The following SERPING1 variants were observed in gnomAD, a reference collection of about 807,000 sequenced individuals.
SERPING1 encodes the protein plasma protease C1 inhibitor.
A neutral mutation model predicts 34.1 loss-of-function variants in SERPING1; 5 were observed. The ratio of observed to expected loss-of-function variants is 0.15; its 90% CI spans 0.08 to 0.31. SERPING1 has a LOEUF of 0.31. SERPING1 is among the 10% of genes least tolerant of loss of function. The pLI is 1.00. For synonymous variants in SERPING1, 225 were observed against 242.4 expected (o/e 0.93, Z 0.67); for missense variants, 505 against 609.5 (o/e 0.83, Z 1.81).
At chr11:57,605,936 T>C (rs374948498) in intron 4 of SERPING1, 74 bp from the exon 5 acceptor site, 8 of 1,325,684 alleles carry the variant, frequency 6.0e-6, no homozygotes, top group African/African-American at 2.9e-5. Flanking sequence ...GAAAGCATGC[T>C]CACTCTCAAA....
chr11:57,614,819 A>G lies in SERPING1; in HGVS notation c.*238A>G. On this transcript the variant is annotated 3_prime_UTR_variant, in exon 8 of 8. Coordinates refer to ENST00000278407, the MANE Select transcript of SERPING1 (RefSeq NM_000062.3). ...GCTTTCTCTAGTTCAAGTTCACCAG[A>G]CTCTATAAATAAAACCTGACAGACC... The G allele has an allele frequency of 3.8e-6, 2 of 529,444 alleles. No homozygotes were observed. Among genetic ancestry groups the G allele is most frequent in the Non-Finnish European group, 6.7e-6 (2 of 298,806 alleles). The allele number at this position is 529,444 out of a possible 1,614,324, so 32.8% of individuals were successfully genotyped here.
At chr11:57,607,848 C>T (rs1341212288) in intron 6 of SERPING1, among the ~76,000 whole-genome samples, 5 of 152,142 alleles carry the variant, frequency 3.3e-5, no homozygotes, top group African/African-American at 4.8e-5. Context: ...TTAGTAGAGA[C>T]GGGGTTTCAC....
intron 5 of SERPING1, 87 bp from the exon 6 acceptor site, chr11:57,606,321 G>T (rs1375704855): frequency 6.3e-6 from 10 of 1,596,464 alleles, no homozygotes; most frequent in Non-Finnish European, 8.6e-6. Flanking sequence ...CAATGTCCCT[G>T]CACTACTCTT....
At chr11:57,605,869 G>T (rs758982429) in intron 4 of SERPING1, 141 bp from the exon 5 acceptor site, 49 of 828,264 alleles carry the variant, frequency 5.9e-5, no homozygotes, top group Non-Finnish European at 1.0e-4. Context: ...TGTAAGAGGA[G>T]TGGGCTGGAC....
Position 57,606,191 on chromosome 11 carries a change from C to T in SERPING1, c.867C>T (p.Leu289=), listed in dbSNP as rs764318351. ...DSLPSDTRLV[L]LNAIYLSAKW... ...TGCCCTCCGATACCCGCCTTGTCCT[C>T]CTCAATGCTATCTACCTGAGTGGTA... The change falls in exon 5 of 8, where the codon CTC becomes CTT. Residue 289 remains leucine, a synonymous_variant. Transcript: ENST00000278407. 1.9e-6 allele frequency: 3 copies of T among 1,614,184 alleles called. No individual in the cohort carries two copies. Among genetic ancestry groups the T allele is most frequent in the Non-Finnish European group, 2.5e-6 (3 of 1,180,030 alleles).
At chr11:57,597,801 C>G (rs1945304251) in intron 1 of SERPING1, 79 bp downstream of exon 1, 1 of 158,456 alleles carries the variant, frequency 6.3e-6, no homozygotes, top group South Asian at 1.9e-4. Context: ...GGTCTCCTCA[C>G]CCCCGCCTTC....
intron 7 of SERPING1, among the ~76,000 whole-genome samples, chr11:57,612,528 C>T (rs191360049): frequency 6.6e-6 from 1 of 151,952 alleles, no homozygotes; most frequent in Admixed American, 6.6e-5. Context: ...ATTCTCTCGC[C>T]TCAGCCTCCC....
Position 57,600,058 on chromosome 11 carries a change from A to G in SERPING1, c.231A>G (p.Lys77=). 6.2e-7 allele frequency: 1 copy of G among 1,614,010 alleles called. No homozygotes were observed. The highest frequency in any genetic ancestry group is 8.5e-7 in the Non-Finnish European group (1 of 1,179,966). Reference sequence around the variant, plus strand: ...ACTCAACAACCAATTCAGCCACCAAAATAACAGCTAATACCACTGATGAAC... The same window carrying G: ...ACTCAACAACCAATTCAGCCACCAAGATAACAGCTAATACCACTGATGAAC... ...TTNSTTNSAT[K]ITANTTDEPT... is the part of the protein sequence containing the mutation. The change falls in exon 3 of 8, where the codon AAA becomes AAG. Residue 77 remains lysine, a synonymous_variant. Transcript: ENST00000278407.
At chr11:57,600,407 C>A in intron 3 of SERPING1, 30 bp downstream of exon 3, 1 of 1,611,262 alleles carries the variant, frequency 6.2e-7, no homozygotes, top group South Asian at 1.1e-5. Flanking sequence ...CTCTCCAGGT[C>A]ATTTGTTGGA....
intron 7 of SERPING1, among the ~76,000 whole-genome samples, chr11:57,612,973 C>T (rs1322620534): frequency 1.3e-5 from 2 of 150,928 alleles, no homozygotes; most frequent in African/African-American, 4.9e-5. Context: ...TCTTGAACTC[C>T]TGGGCTCAAG....
At chr11:57,609,504 C>T (rs995246844) in intron 6 of SERPING1, among the ~76,000 whole-genome samples, 1 of 151,814 alleles carries the variant, frequency 6.6e-6, no homozygotes, top group African/African-American at 2.4e-5. Context: ...CGCTTGAACC[C>T]GGGAGGCGAA....
chr11:57,607,946 A>G lies in SERPING1; in HGVS notation c.1029+1399A>G, dbSNP rs192533739. On this transcript the variant is annotated intron_variant, in intron 6 of 7. Transcript: ENST00000278407. Reference sequence around the variant, plus strand: ...AGGGCTGGGATTACAGGCATGAGCCACAGCGCCCAGCTGAGGAGGTTATTT... The same window carrying G: ...AGGGCTGGGATTACAGGCATGAGCCGCAGCGCCCAGCTGAGGAGGTTATTT... Among the ~76,000 whole-genome samples the G allele has an allele frequency of 4.0e-3, 607 of 152,372 alleles. 5 individuals are homozygous for G. Among genetic ancestry groups the G allele is most frequent in the Admixed American group, 6.1e-3 (94 of 15,300 alleles).
Position 57,600,272 on chromosome 11 carries a change from T to G in SERPING1, c.445T>G (p.Phe149Val). ...CGTGTTGGGGGATGCTTTGGTAGAT[T>G]TCTCCCTGAAGCTCTACCACGCCTT... ...EAVLGDALVD[F>V]SLKLYHAFSA... The change falls in exon 3 of 8, where the codon TTC becomes GTC. Residue 149 changes from phenylalanine to valine, a missense_variant. By Grantham distance (50) the Phe-to-Val change is conservative. Coordinates refer to ENST00000278407, the MANE Select transcript of SERPING1 (RefSeq NM_000062.3). 3 of 1,614,166 alleles carry G rather than the reference T, an allele frequency of 1.9e-6. No homozygotes were observed. The highest frequency in any genetic ancestry group is 1.7e-6 in the Non-Finnish European group (2 of 1,180,034).
At chr11:57,610,829 T>C (rs1054161888) in intron 6 of SERPING1, among the ~76,000 whole-genome samples, 2 of 152,182 alleles carry the variant, frequency 1.3e-5, no homozygotes, top group African/African-American at 4.8e-5. Context: ...TTACCAAATG[T>C]CCACTGAGAG....
chr11:57,607,676 T>G (rs1205121964), intron 6 of SERPING1, among the ~76,000 whole-genome samples: 1 of 152,190 alleles, frequency 6.6e-6, no homozygotes, highest in Non-Finnish European at 1.5e-5. Context: ...AGGGTTTTTT[T>G]CGAGACAGGG....
intron 6 of SERPING1, among the ~76,000 whole-genome samples, chr11:57,607,552 ACAATG>A (rs759804082): frequency 6.6e-6 from 1 of 152,186 alleles, no homozygotes; most frequent in Non-Finnish European, 1.5e-5. Flanking sequence ...AGTGCCTAGA[ACAATG>A]CCTCCTATCA....
At chr11:57,613,295 G>A (rs1945501194) in intron 7 of SERPING1, among the ~76,000 whole-genome samples, 1 of 152,128 alleles carries the variant, frequency 6.6e-6, no homozygotes, top group Admixed American at 6.6e-5. Flanking sequence ...CACTCTACCT[G>A]GAAATAACAT....
chr11:57,610,536 C>A (rs1021169014), intron 6 of SERPING1, among the ~76,000 whole-genome samples: 17 of 152,186 alleles, frequency 1.1e-4, no homozygotes, highest in African/African-American at 4.1e-4. Flanking sequence ...CAATTGATTG[C>A]TTTCAGTTAA....
chr11:57,598,034 G>A (rs1455579847), intron 1 of SERPING1: 1 of 568,566 alleles, frequency 1.8e-6, no homozygotes. Flanking sequence ...GGCCCACGGG[G>A]AGAGGAAGGG....
Sources: gnomAD v4.1 joint callset for allele counts (sites outside exome capture counted in the v4.1 genomes callset) on GRCh38, gnomAD v4.1.1 for gene constraint, MANE v1.5 for transcripts, NCBI Gene and HGNC (gene_info 2026-07-23, HGNC 2026-07-21) for gene names.